Variants in SHB observed in about 807,000 individuals in gnomAD.
SHB encodes SH2 domain containing adaptor protein B.
In SHB, 20 loss-of-function variants were observed where a neutral mutation model predicts 52.3. The ratio of observed to expected loss-of-function variants is 0.38; its 90% CI spans 0.27 to 0.56. The LOEUF (loss-of-function observed/expected upper bound fraction) is 0.56. SHB is among the 20% of genes least tolerant of loss of function. The pLI is 0.71. For missense variants in SHB, 825 were observed against 723.3 expected (o/e 1.14, Z -1.61); for synonymous variants, 397 against 316.5 (o/e 1.25, Z -2.70).
At chr9:37,926,770 A>G (rs563327518) in intron 5 of SHB, among the ~76,000 whole-genome samples, 1 of 152,356 alleles carries the variant, frequency 6.6e-6, no homozygotes, top group Admixed American at 6.5e-5. Flanking sequence ...TCCCAAATGC[A>G]TGGAGAGCTG....
intron 2 of SHB, among the ~76,000 whole-genome samples, chr9:38,002,302 T>G (rs1821024895): frequency 6.6e-6 from 1 of 152,180 alleles, no homozygotes; most frequent in Admixed American, 6.5e-5. Context: ...CTGACAATAT[T>G]AATTAGAAAT....
chr9:38,068,277 C>T lies in SHB; in HGVS notation c.369G>A (p.Gly123=), dbSNP rs377233293. 266 of 1,470,086 alleles carry T rather than the reference C, an allele frequency of 1.8e-4. No individual in the cohort carries two copies. The African/African-American group carries it at 3.1e-3, about 17-fold the overall frequency. 91.1% of individuals were successfully genotyped at this position (1,470,086 alleles called of 1,614,324 possible). A position where few individuals can be genotyped will look rare whatever the true frequency, so the allele number is the denominator to read the frequency against. Residue 123 remains glycine, a synonymous_variant, in exon 1 of 6, where the codon GGG becomes GGA. Coordinates refer to ENST00000377707, the MANE Select transcript of SHB (RefSeq NM_003028.3). ...DYCGGSGEPG[G]VQRAFSASSA... is the part of the protein sequence containing the mutation. Reference sequence around the variant, plus strand: ...ACGAGGCCGAGAAGGCGCGCTGGACCCCGCCTGGCTCCCCGCTGCCGCCGC... The same window carrying T: ...ACGAGGCCGAGAAGGCGCGCTGGACTCCGCCTGGCTCCCCGCTGCCGCCGC...
chr9:38,023,889 A>G (rs1587249672), intron 1 of SHB, among the ~76,000 whole-genome samples: 1 of 152,158 alleles, frequency 6.6e-6, no homozygotes, highest in Admixed American at 6.5e-5. Context: ...AGCGCCCCCT[A>G]CTCGCCTCTT....
chr9:37,921,793 TCACCTACCCACCACGCCGAAGAGAC>T (rs1832183416), intron 5 of SHB, among the ~76,000 whole-genome samples: 1 of 152,208 alleles, frequency 6.6e-6, no homozygotes, highest in African/African-American at 2.4e-5. Flanking sequence ...CAGCAAAGAC[TCACCTACCCACCACGCCGAAGAGAC>T]CACAGATCTG....
chr9:37,956,202 A>C, intron 3 of SHB, 148 bp from the exon 4 acceptor site: 1 of 734,600 alleles, frequency 1.4e-6, no homozygotes, highest in Non-Finnish European at 2.2e-6. Flanking sequence ...ACATGGCACA[A>C]AAGATTTTGG....
intron 1 of SHB, among the ~76,000 whole-genome samples, chr9:38,027,524 A>C (rs1456365233): frequency 1.3e-5 from 2 of 151,890 alleles, no homozygotes; most frequent in Non-Finnish European, 2.9e-5. Context: ...CTAAAATGCA[A>C]GTGGTTGATC....
intron 3 of SHB, among the ~76,000 whole-genome samples, chr9:37,964,250 C>T (rs542338487): frequency 2.0e-5 from 3 of 152,210 alleles, no homozygotes; most frequent in Non-Finnish European, 4.4e-5. Flanking sequence ...AGGCGGCCAG[C>T]GACTCACCAC....
At chr9:38,022,698 A>T (rs1047884148) in intron 1 of SHB, among the ~76,000 whole-genome samples, 1 of 152,222 alleles carries the variant, frequency 6.6e-6, no homozygotes, top group Non-Finnish European at 1.5e-5. Context: ...CAAAGATGAC[A>T]TTACAGAAAC....
At position 38,063,380 on chromosome 9, in the gene SHB, A is replaced by G. The variant is rs73439941; in HGVS notation, c.717+4549T>C. On this transcript the variant is annotated intron_variant, in intron 1 of 5. Coordinates refer to ENST00000377707, the MANE Select transcript of SHB (RefSeq NM_003028.3). ...GACTTTCTTCCCTTTGTGGGCTCCA[A>G]CCTCCTTCTGCAGTCTCCCACCACA... is the stretch of plus-strand genomic sequence containing the variant. Among the ~76,000 whole-genome samples, 565 of 152,140 alleles carry G rather than the reference A, an allele frequency of 3.7e-3. 2 individuals carry two copies. The highest frequency in any genetic ancestry group is 0.013 in the African/African-American group (531 of 41,480).
chr9:37,941,298 T>C (rs1026207171), intron 5 of SHB, among the ~76,000 whole-genome samples: 3 of 152,244 alleles, frequency 2.0e-5, no homozygotes, highest in Non-Finnish European at 2.9e-5. Context: ...GCACTCACTA[T>C]ATGCTGGAGC....
chr9:37,934,015 C>A (rs1832341439), intron 5 of SHB, among the ~76,000 whole-genome samples: 1 of 152,226 alleles, frequency 6.6e-6, no homozygotes, highest in South Asian at 2.1e-4. Flanking sequence ...GTTCCCCAGG[C>A]AGTCACCATC....
intron 1 of SHB, among the ~76,000 whole-genome samples, chr9:38,018,855 C>CA (rs1349939448): frequency 6.6e-6 from 1 of 152,202 alleles, no homozygotes; most frequent in Non-Finnish European, 1.5e-5. Flanking sequence ...GATGGCCATG[C>CA]AGAAGGTTTG....
chr9:38,050,083 G>A (rs1349493056), intron 1 of SHB, among the ~76,000 whole-genome samples: 3 of 152,136 alleles, frequency 2.0e-5, no homozygotes, highest in Admixed American at 6.5e-5. Flanking sequence ...AAGCCACTGC[G>A]CCCAGCCAAC....
intron 2 of SHB, among the ~76,000 whole-genome samples, chr9:38,001,905 C>T (rs60510358): frequency 0.42 from 64,279 of 151,984 alleles, 13,978 homozygotes; most frequent in Middle Eastern, 0.5. Flanking sequence ...CTGCATCCTC[C>T]CCATGAGCTC....
At chr9:37,933,550 G>A (rs1388081807) in intron 5 of SHB, among the ~76,000 whole-genome samples, 2 of 152,148 alleles carry the variant, frequency 1.3e-5, no homozygotes, top group South Asian at 4.2e-4. Flanking sequence ...AGTACCCAGA[G>A]ACTTACTTGT....
intron 3 of SHB, among the ~76,000 whole-genome samples, chr9:37,965,146 T>G (rs188039933): frequency 6.6e-6 from 1 of 152,182 alleles, no homozygotes; most frequent in East Asian, 1.9e-4. Flanking sequence ...AGCCCCACTG[T>G]GTATGTTTCT....
At chr9:38,038,281 C>A (rs777154402) in intron 1 of SHB, among the ~76,000 whole-genome samples, 48 of 152,314 alleles carry the variant, frequency 3.2e-4, no homozygotes, top group Non-Finnish European at 5.9e-4. Flanking sequence ...ACAAGGCAGG[C>A]CCTGTTCTAT....
intron 2 of SHB, among the ~76,000 whole-genome samples, chr9:37,985,940 T>C (rs1820801964): frequency 6.6e-6 from 1 of 152,070 alleles, no homozygotes; most frequent in African/African-American, 2.4e-5. Context: ...GAGGCAAGAG[T>C]TATACTGCAT....
At chr9:38,025,848 C>A (rs1029096098) in intron 1 of SHB, among the ~76,000 whole-genome samples, 8 of 152,304 alleles carry the variant, frequency 5.3e-5, no homozygotes, top group Admixed American at 1.3e-4. Context: ...TGAGGAGCCA[C>A]CAGAGGCTCC....
Sources: allele counts gnomAD v4.1 joint callset (sites outside exome capture counted in the v4.1 genomes callset), GRCh38; gene constraint gnomAD v4.1.1; transcripts MANE v1.5; gene names NCBI Gene and HGNC (gene_info 2026-07-23, HGNC 2026-07-21).